Variants in SPMIP11 observed in about 807,000 individuals in gnomAD.
The protein encoded by SPMIP11 is sperm microtubule inner protein 11.
chr12:48,734,062 C>G, the SPMIP11 span, among the ~76,000 whole-genome samples: 2 of 150,912 alleles, frequency 1.3e-5, no homozygotes, highest in Non-Finnish European at 3.0e-5. Flanking sequence ...GTGAGCCATC[C>G]CCCGCCCAGC....
At chr12:48,729,049 G>A in the SPMIP11 span, among the ~76,000 whole-genome samples, 1 of 152,220 alleles carries the variant, frequency 6.6e-6, no homozygotes, top group Non-Finnish European at 1.5e-5. Context: ...TTGAATAACT[G>A]TAAAACAGGA....
chr12:48,749,799 CT>C, the SPMIP11 span, among the ~76,000 whole-genome samples: 2 of 149,742 alleles, frequency 1.3e-5, no homozygotes, highest in Admixed American at 1.3e-4. Flanking sequence ...TCATGCTATT[CT>C]ACTGCCTTAG....
At chr12:48,731,602 AC>A in the SPMIP11 span, among the ~76,000 whole-genome samples, 1 of 152,162 alleles carries the variant, frequency 6.6e-6, no homozygotes, top group Admixed American at 6.6e-5. Flanking sequence ...TGACTTAACT[AC>A]TGTATAGAGT....
chr12:48,749,635 CAAAAAAAAAAA>C, the SPMIP11 span, among the ~76,000 whole-genome samples: 5 of 56,532 alleles, frequency 8.8e-5, no homozygotes, highest in East Asian at 2.3e-3. Flanking sequence ...AACTCGGTGT[CAAAAAAAAAAA>C]AAAAAAAAAA....
At chr12:48,730,930 C>T in the SPMIP11 span, among the ~76,000 whole-genome samples, 2 of 152,068 alleles carry the variant, frequency 1.3e-5, no homozygotes, top group East Asian at 1.9e-4. Context: ...AAAAGCAAAA[C>T]TCTGTCCCCG....
At chr12:48,741,940 A>C in the SPMIP11 span, among the ~76,000 whole-genome samples, 3 of 152,162 alleles carry the variant, frequency 2.0e-5, no homozygotes, top group African/African-American at 7.2e-5. Flanking sequence ...CACCCAGCCA[A>C]CTACCCTATT....
the SPMIP11 span, among the ~76,000 whole-genome samples, chr12:48,760,460 G>A: frequency 1.3e-5 from 2 of 152,062 alleles, no homozygotes; most frequent in Non-Finnish European, 2.9e-5. Context: ...TTACAGGTGT[G>A]AGCCACCACA....
At chr12:48,769,275 T>C in the SPMIP11 span, among the ~76,000 whole-genome samples, 1 of 151,474 alleles carries the variant, frequency 6.6e-6, no homozygotes, top group Non-Finnish European at 1.5e-5. Flanking sequence ...AGCTGGACAA[T>C]GGTGGTACAT....
chr12:48,749,448 G>C, the SPMIP11 span, among the ~76,000 whole-genome samples: 1 of 151,252 alleles, frequency 6.6e-6, no homozygotes, highest in Non-Finnish European at 1.5e-5. Context: ...GACCAAAATG[G>C]GGAAACTCTG....
chr12:48,762,406 C>T, the SPMIP11 span, among the ~76,000 whole-genome samples: 18 of 106,622 alleles, frequency 1.7e-4, no homozygotes, highest in South Asian at 5.5e-3. Context: ...CTTGCTCTGT[C>T]GCCCAGGCTG....
chr12:48,757,228 C>T, the SPMIP11 span, among the ~76,000 whole-genome samples: 1 of 152,078 alleles, frequency 6.6e-6, no homozygotes, highest in Non-Finnish European at 1.5e-5. Context: ...CTCACTCCCT[C>T]ACCAAGTCTT....
chr12:48,765,647 CTG>C, the SPMIP11 span: 2 of 702,834 alleles, frequency 2.8e-6, no homozygotes, highest in Non-Finnish European at 5.2e-6. Context: ...GACCTTCAGT[CTG>C]TATTAAGAAG....
chr12:48,758,038 C>T, the SPMIP11 span, among the ~76,000 whole-genome samples: 1 of 151,958 alleles, frequency 6.6e-6, no homozygotes, highest in Non-Finnish European at 1.5e-5. Context: ...TGCAGTGGCT[C>T]ATACCTGTAG....
At chr12:48,768,620 A>G in the SPMIP11 span, 1 of 1,614,094 alleles carries the variant, frequency 6.2e-7, no homozygotes, top group East Asian at 2.2e-5. Context: ...TTGAGGAAGT[A>G]GGTGGTCATC....
chr12:48,736,232 C>A, the SPMIP11 span: 1 of 335,686 alleles, frequency 3.0e-6, no homozygotes, highest in Admixed American at 4.3e-5. Context: ...GGGGAAACCT[C>A]GTCTCTACCC....
At chr12:48,748,863 A>G in the SPMIP11 span, among the ~76,000 whole-genome samples, 3 of 152,136 alleles carry the variant, frequency 2.0e-5, no homozygotes, top group Non-Finnish European at 4.4e-5. Context: ...CGCACCTATT[A>G]AGACAAACCC....
chr12:48,760,987 G>T, the SPMIP11 span, among the ~76,000 whole-genome samples: 1 of 152,182 alleles, frequency 6.6e-6, no homozygotes, highest in Non-Finnish European at 1.5e-5. Context: ...ATTGAACTGG[G>T]TTTAAACTGC....
chr12:48,752,259 T>C, the SPMIP11 span, among the ~76,000 whole-genome samples: 1 of 152,196 alleles, frequency 6.6e-6, no homozygotes, highest in Admixed American at 6.5e-5. Flanking sequence ...CTTTGTCCGC[T>C]ACTCAAGACA....
the SPMIP11 span, chr12:48,764,753 GTTGCTGGGCTGGGCTGGGCTA>G: frequency 1.6e-6 from 1 of 634,654 alleles, no homozygotes; most frequent in African/African-American, 1.8e-5. Flanking sequence ...CGGCCAAGCA[GTTGCTGGGCTGGGCTGGGCTA>G]TTGCTGCCCT....
Sources: gnomAD v4.1 joint callset for allele counts (sites outside exome capture counted in the v4.1 genomes callset) on GRCh38, gnomAD v4.1.1 for gene constraint, MANE v1.5 for transcripts, NCBI Gene and HGNC (gene_info 2026-07-23, HGNC 2026-07-21) for gene names.